Variants in CSMD3 observed in about 807,000 individuals in gnomAD.
The protein encoded by CSMD3 is CUB and Sushi multiple domains 3.
Under a neutral mutation model 435.2 loss-of-function variants are expected in CSMD3, and 177 were observed. That is an observed-to-expected ratio of 0.41 (90% CI 0.36 to 0.46). The LOEUF is 0.46. Ranked by LOEUF, CSMD3 falls within the 20% of genes least tolerant of loss-of-function variation. The pLI is 0.34. For synonymous variants in CSMD3, 1,656 were observed against 1,520.5 expected (o/e 1.09, Z -2.07); for missense variants, 4,265 against 4,504.6 (o/e 0.95, Z 1.52).
chr8:112,590,545 AG>A (rs2131367174), intron 22 of CSMD3, among the ~76,000 whole-genome samples: 1 of 151,952 alleles, frequency 6.6e-6, no homozygotes, highest in South Asian at 2.1e-4. Flanking sequence ...TAGATCTCCG[AG>A]GATGTTTATC....
chr8:112,461,668 G>A (rs1421823965), intron 32 of CSMD3, among the ~76,000 whole-genome samples: 3 of 152,102 alleles, frequency 2.0e-5, no homozygotes, highest in Non-Finnish European at 4.4e-5. Context: ...ACACTTTAAT[G>A]ATAAGAGTGA....
chr8:112,943,360 T>C (rs2083509722), intron 9 of CSMD3, among the ~76,000 whole-genome samples: 1 of 136 alleles, frequency 7.4e-3, no homozygotes, highest in South Asian at 0.25. Flanking sequence ...TTTTATCGAT[T>C]ATACTTTTTG....
chr8:113,059,405 G>C (rs2088500087), intron 5 of CSMD3, among the ~76,000 whole-genome samples: 1 of 151,978 alleles, frequency 6.6e-6, no homozygotes, highest in South Asian at 2.1e-4. Context: ...TGAAATTGTT[G>C]CATCTTACTT....
intron 31 of CSMD3, among the ~76,000 whole-genome samples, chr8:112,488,295 C>A (rs1219901002): frequency 6.6e-6 from 1 of 152,048 alleles, no homozygotes; most frequent in Admixed American, 6.6e-5. Context: ...TAACAAGAGC[C>A]TATTTATATA....
At chr8:113,285,788 A>G (rs1490685242) in intron 2 of CSMD3, among the ~76,000 whole-genome samples, 1 of 152,228 alleles carries the variant, frequency 6.6e-6, no homozygotes, top group East Asian at 1.9e-4. Flanking sequence ...ACATCTTGAC[A>G]ATAACTATGT....
intron 5 of CSMD3, among the ~76,000 whole-genome samples, chr8:113,059,651 T>G (rs1000559448): frequency 6.6e-6 from 1 of 152,188 alleles, no homozygotes; most frequent in African/African-American, 2.4e-5. Flanking sequence ...TATGGTTGTA[T>G]GTAAGATGCA....
At chr8:113,242,594 A>AT (rs1208363393) in intron 3 of CSMD3, among the ~76,000 whole-genome samples, 1 of 152,056 alleles carries the variant, frequency 6.6e-6, no homozygotes, top group Admixed American at 6.6e-5. Context: ...AAAATTCTTT[A>AT]TTGTGAAAAC....
intron 22 of CSMD3, among the ~76,000 whole-genome samples, chr8:112,636,217 C>T (rs9643073): frequency 0.49 from 73,901 of 151,800 alleles, 18,562 homozygotes; most frequent in African/African-American, 0.58. Context: ...GCTTCCAACA[C>T]TTTAATTATA....
At chr8:112,541,895 G>A in intron 27 of CSMD3, among the ~76,000 whole-genome samples, 1 of 151,864 alleles carries the variant, frequency 6.6e-6, no homozygotes, top group East Asian at 1.9e-4. Flanking sequence ...CAAAATACTA[G>A]CAAACTAAAT....
chr8:112,286,622 CT>C (rs1819227762), intron 58 of CSMD3, among the ~76,000 whole-genome samples: 1 of 151,982 alleles, frequency 6.6e-6, no homozygotes, highest in Admixed American at 6.6e-5. Flanking sequence ...TAGTTTTAAT[CT>C]CCTACTGTGC....
intron 32 of CSMD3, among the ~76,000 whole-genome samples, chr8:112,466,371 G>A (rs1164475544): frequency 1.3e-5 from 2 of 151,896 alleles, no homozygotes; most frequent in African/African-American, 4.8e-5. Context: ...CATAAAAAGA[G>A]GTAACCACAA....
intron 32 of CSMD3, among the ~76,000 whole-genome samples, chr8:112,441,185 T>C (rs1333448310): frequency 6.6e-6 from 1 of 152,130 alleles, no homozygotes; most frequent in African/African-American, 2.4e-5. Flanking sequence ...CACAGATCTC[T>C]AGGGCAGGGG....
intron 43 of CSMD3, 99 bp from the exon 44 acceptor site, chr8:112,336,928 A>C: frequency 1.0e-6 from 1 of 995,390 alleles, no homozygotes; most frequent in Admixed American, 1.9e-5. Context: ...GCATTATGAA[A>C]CACATTTATG....
intron 31 of CSMD3, among the ~76,000 whole-genome samples, chr8:112,483,752 G>T (rs1303438535): frequency 1.3e-5 from 2 of 152,310 alleles, no homozygotes; most frequent in Middle Eastern, 3.4e-3. Context: ...ACAAAGCTTA[G>T]AGGTAATAGC....
chr8:112,430,896 A>ATGTGTGTG (rs61496543), intron 32 of CSMD3, among the ~76,000 whole-genome samples: 153 of 148,686 alleles, frequency 1.0e-3, no homozygotes, highest in Middle Eastern at 3.4e-3. Context: ...TTGTGTGTAT[A>ATGTGTGTG]TGTGTGTGTG....
intron 5 of CSMD3, among the ~76,000 whole-genome samples, chr8:113,024,320 T>TGTG (rs2086795316): frequency 3.9e-4 from 1 of 2,546 alleles, no homozygotes. Context: ...GTGTGTGTGT[T>TGTG]TGTGTGTGTG....
At chr8:113,201,059 A>G (rs2092711532) in intron 3 of CSMD3, among the ~76,000 whole-genome samples, 1 of 151,956 alleles carries the variant, frequency 6.6e-6, no homozygotes, top group Non-Finnish European at 1.5e-5. Flanking sequence ...CCCTTTGTAG[A>G]GACAACTTCA....
At chr8:113,000,417 G>A (rs2085819984) in intron 6 of CSMD3, among the ~76,000 whole-genome samples, 1 of 151,950 alleles carries the variant, frequency 6.6e-6, no homozygotes, top group Non-Finnish European at 1.5e-5. Flanking sequence ...CTTGAAACAT[G>A]TTTACTGGAC....
At chr8:112,960,616 T>C (rs540122321) in intron 7 of CSMD3, among the ~76,000 whole-genome samples, 4 of 151,702 alleles carry the variant, frequency 2.6e-5, no homozygotes, top group Non-Finnish European at 4.4e-5. Context: ...AAACTTTGTA[T>C]AAAGAAAAGC....
Sources: allele counts gnomAD v4.1 joint callset (sites outside exome capture counted in the v4.1 genomes callset), GRCh38; gene constraint gnomAD v4.1.1; transcripts MANE v1.5; gene names NCBI Gene and HGNC (gene_info 2026-07-23, HGNC 2026-07-21).